The following PSMG2 variants were observed in gnomAD, a reference collection of about 807,000 sequenced individuals.
PSMG2 encodes CD40 ligand-activated specific transcript 3.
PSMG2 carries 21 observed loss-of-function variants against 31.5 expected under a neutral mutation model. That is an observed-to-expected ratio of 0.67 (90% CI 0.47 to 0.96). The LOEUF is 0.96. Ranked by LOEUF, PSMG2 falls within the 40% of genes least tolerant of loss-of-function variation. PSMG2 has a pLI of 0.00. For missense variants in PSMG2, 318 were observed against 321.2 expected, an observed-to-expected ratio of 0.99 and a Z score of 0.08; for synonymous variants, 120 against 110.4, an observed-to-expected ratio of 1.09 and a Z score of -0.54.
chr18:12,720,765 A>G, intron 5 of PSMG2, 82 bp downstream of exon 5: 1 of 1,377,632 alleles, frequency 7.3e-7, no homozygotes, highest in East Asian at 2.4e-5. Flanking sequence ...GTGCCACTGC[A>G]CTCTAGCCTG....
At chr18:12,662,190 G>GAA in intron 1 of PSMG2, 1 of 419,924 alleles carries the variant, frequency 2.4e-6, no homozygotes, top group Non-Finnish European at 4.7e-6. Flanking sequence ...GCACCAGAAA[G>GAA]GAAAAAAAAA....
intron 2 of PSMG2, among the ~76,000 whole-genome samples, chr18:12,708,250 C>T (rs984207955): frequency 5.3e-5 from 8 of 151,964 alleles, no homozygotes; most frequent in African/African-American, 9.7e-5. Context: ...CACTCCAGCC[C>T]GGGTGACAAA....
Position 12,705,572 on chromosome 18 carries a change from A to AGTGTGTGTGTGT in PSMG2, c.58-977_58-976insTGTGTGTGTGTG, listed in dbSNP as rs1341255881. 2.5e-3 allele frequency among the ~76,000 whole-genome samples: 327 copies of AGTGTGTGTGTGT among 129,250 alleles called. 2 individuals are homozygous for AGTGTGTGTGTGT. The highest frequency in any genetic ancestry group is 0.012 in the East Asian group (52 of 4,466). 84.8% of individuals were successfully genotyped at this position (129,250 alleles called of 152,430 possible). A position where few individuals can be genotyped will look rare whatever the true frequency, so the allele number is the denominator to read the frequency against. ...GAGAGAGAGAGAGAGAGAGAGAGAG[A>AGTGTGTGTGTGT]GAGAGTGTGTGTGTGTGTGTGTGTG... On this transcript the variant is annotated intron_variant, in intron 1 of 6. Coordinates refer to ENST00000317615, the MANE Select transcript of PSMG2 (RefSeq NM_020232.5).
chr18:12,709,965 TG>T (rs1184759973), intron 2 of PSMG2, among the ~76,000 whole-genome samples: 4 of 139,014 alleles, frequency 2.9e-5, no homozygotes, highest in African/African-American at 1.1e-4. Context: ...TTTTTTGAGA[TG>T]GAGTCTTGCT....
upstream of PSMG2, chr18:12,702,571 C>A: frequency 6.3e-7 from 1 of 1,583,934 alleles, no homozygotes; most frequent in East Asian, 2.3e-5. Context: ...CGTCTCCCCG[C>A]CGCTTCTCCC....
At position 12,706,693 on chromosome 18, in the gene PSMG2, T is replaced by G; in HGVS notation, c.201T>G (p.Asn67Lys). ...ATCCATATGCGACCACAGAAGGAAA[T>G]TCAACAGAACTTAGCATAAATGCTG... is the stretch of plus-strand genomic sequence containing the variant. ...GNNPYATTEG[N>K]STELSINAEV... The change falls in exon 2 of 7, where the codon AAT becomes AAG. Residue 67 changes from asparagine (N) to lysine (K), a missense_variant. Asn to Lys is a moderately conservative substitution (Grantham distance 94, BLOSUM62 0). Transcript: ENST00000317615. 6.2e-7 allele frequency: 1 copy of G among 1,610,500 alleles called. No homozygotes were observed. Among genetic ancestry groups the G allele is most frequent in the Non-Finnish European group, 8.5e-7 (1 of 1,177,338 alleles).
intron 1 of PSMG2, among the ~76,000 whole-genome samples, chr18:12,671,416 A>C (rs1311145929): frequency 6.6e-6 from 1 of 152,160 alleles, no homozygotes; most frequent in East Asian, 1.9e-4. Flanking sequence ...AACTACACAT[A>C]TCAGAGTGAA....
At chr18:12,702,356 T>C, upstream of PSMG2, 1 of 694,270 alleles carries the variant, frequency 1.4e-6, no homozygotes, top group Non-Finnish European at 2.5e-6. Flanking sequence ...CTGCCTACTC[T>C]GCGTTGCGCA....
chr18:12,705,576 A>AGAGAGAGT (rs1465866538), intron 1 of PSMG2, among the ~76,000 whole-genome samples: 23 of 129,774 alleles, frequency 1.8e-4, no homozygotes, highest in East Asian at 1.2e-3. Context: ...AGAGAGAGAG[A>AGAGAGAGT]GTGTGTGTGT....
At chr18:12,721,260 ATAG>A (rs2040428585) in intron 5 of PSMG2, among the ~76,000 whole-genome samples, 1 of 152,356 alleles carries the variant, frequency 6.6e-6, no homozygotes, top group South Asian at 2.1e-4. Context: ...AAACTTGGTT[ATAG>A]AAGAACTGGT....
At chr18:12,695,398 T>C (rs2039917348) in intron 1 of PSMG2, 2 of 918,738 alleles carry the variant, frequency 2.2e-6, no homozygotes, top group Non-Finnish European at 3.3e-6. Context: ...ATACTATATA[T>C]ATTTAGTCAA....
At chr18:12,721,655 T>C (rs1311094932) in intron 5 of PSMG2, among the ~76,000 whole-genome samples, 4 of 152,192 alleles carry the variant, frequency 2.6e-5, no homozygotes, top group African/African-American at 7.2e-5. Context: ...TTGTCAGTTT[T>C]GTTTTTCTTT....
intron 1 of PSMG2, chr18:12,673,519 A>G: frequency 2.6e-6 from 4 of 1,548,284 alleles, no homozygotes; most frequent in Non-Finnish European, 3.5e-6. Context: ...TAAGAAAAAA[A>G]AAATTATTCA....
At chr18:12,696,502 AAATAATAAT>A (rs35130356) in intron 1 of PSMG2, among the ~76,000 whole-genome samples, 6 of 151,242 alleles carry the variant, frequency 4.0e-5, no homozygotes, top group Non-Finnish European at 7.4e-5. Context: ...ACTCCATCTC[AAATAATAAT>A]AATAATAATA....
At chr18:12,659,472 G>T (rs1267891000) in intron 1 of PSMG2, among the ~76,000 whole-genome samples, 1 of 152,108 alleles carries the variant, frequency 6.6e-6, no homozygotes, top group Non-Finnish European at 1.5e-5. Context: ...TTCGAGACCA[G>T]CCTGGCCAAC....
chr18:12,662,122 G>T, intron 1 of PSMG2: 3 of 447,266 alleles, frequency 6.7e-6, no homozygotes, highest in African/African-American at 2.0e-5. Context: ...TGCAGCCCAA[G>T]CTTTTCCCAG....
chr18:12,669,630 T>G (rs1419700586), intron 1 of PSMG2, among the ~76,000 whole-genome samples: 1 of 152,192 alleles, frequency 6.6e-6, no homozygotes, highest in African/African-American at 2.4e-5. Context: ...GGAGACATTA[T>G]GTTTTTTAAA....
At chr18:12,660,849 A>G (rs1163383961) in intron 1 of PSMG2, among the ~76,000 whole-genome samples, 2 of 152,206 alleles carry the variant, frequency 1.3e-5, no homozygotes, top group Non-Finnish European at 1.5e-5. Flanking sequence ...AGGAAAGATG[A>G]CAAGTAGAAT....
At chr18:12,683,509 AGG>A (rs2039425709) in intron 1 of PSMG2, among the ~76,000 whole-genome samples, 1 of 151,846 alleles carries the variant, frequency 6.6e-6, no homozygotes, top group Non-Finnish European at 1.5e-5. Context: ...TCAGCACTTT[AGG>A]AGGCAGAGGC....
Sources: gnomAD v4.1 joint callset for allele counts (sites outside exome capture counted in the v4.1 genomes callset) on GRCh38, gnomAD v4.1.1 for gene constraint, MANE v1.5 for transcripts, NCBI Gene and HGNC (gene_info 2026-07-23, HGNC 2026-07-21) for gene names.